DCC: variants seen among roughly 807,000 people sequenced by gnomAD.
DCC encodes the protein netrin receptor DCC.
Under a neutral mutation model 172.5 loss-of-function variants are expected in DCC, and 58 were observed. The ratio of observed to expected loss-of-function variants is 0.34; its 90% CI spans 0.27 to 0.42. DCC has a LOEUF of 0.42. Among genes scored for constraint, DCC ranks in the 10% least tolerant of loss-of-function variants. The pLI is 1.00. For synonymous variants in DCC, 709 were observed against 644.5 expected, an observed-to-expected ratio of 1.10 and a Z score of -1.52; for missense variants, 1,740 against 1,791.0, an observed-to-expected ratio of 0.97 and a Z score of 0.51.
chr18:52,413,912 A>T (rs1986926649), intron 1 of DCC, among the ~76,000 whole-genome samples: 1 of 152,206 alleles, frequency 6.6e-6, no homozygotes, highest in African/African-American at 2.4e-5. Context: ...GTTTGCTAGG[A>T]AGATGCTCTG....
At chr18:52,778,357 T>A (rs2037471955) in intron 2 of DCC, among the ~76,000 whole-genome samples, 1 of 152,210 alleles carries the variant, frequency 6.6e-6, no homozygotes, top group Non-Finnish European at 1.5e-5. Flanking sequence ...GTGTCTTTAA[T>A]AAATAGAATT....
intron 23 of DCC, among the ~76,000 whole-genome samples, chr18:53,451,554 T>C (rs774720500): frequency 6.6e-6 from 1 of 152,188 alleles, no homozygotes; most frequent in Admixed American, 6.5e-5. Context: ...GTTCTGGTTT[T>C]AGGTTTTTCC....
chr18:52,851,912 A>G (rs2038980876), intron 2 of DCC, among the ~76,000 whole-genome samples: 1 of 152,128 alleles, frequency 6.6e-6, no homozygotes, highest in Non-Finnish European at 1.5e-5. Context: ...TAATCATCTT[A>G]TAAGTTGAGA....
intron 1 of DCC, among the ~76,000 whole-genome samples, chr18:52,512,891 A>G (rs2031493290): frequency 6.6e-6 from 1 of 152,198 alleles, no homozygotes; most frequent in African/African-American, 2.4e-5. Flanking sequence ...AAAACCCTGA[A>G]GCAGAATGTT....
At chr18:53,334,715 A>G (rs1020871600) in intron 14 of DCC, among the ~76,000 whole-genome samples, 1 of 152,214 alleles carries the variant, frequency 6.6e-6, no homozygotes, top group African/African-American at 2.4e-5. Flanking sequence ...TTCATTTACC[A>G]TATCATTGCC....
At chr18:53,302,235 G>A (rs1445370417) in intron 12 of DCC, among the ~76,000 whole-genome samples, 4 of 151,930 alleles carry the variant, frequency 2.6e-5, no homozygotes, top group African/African-American at 9.7e-5. Flanking sequence ...TTCAACATAT[G>A]ACTCTTGGTG....
intron 1 of DCC, among the ~76,000 whole-genome samples, chr18:52,619,881 C>T (rs76861254): frequency 0.04 from 6,144 of 152,242 alleles, 159 homozygotes; most frequent in Non-Finnish European, 0.053. Flanking sequence ...AGGCAACCAC[C>T]TCTCAGTGAT....
intron 15 of DCC, among the ~76,000 whole-genome samples, chr18:53,364,869 T>A (rs890032422): frequency 6.6e-6 from 1 of 152,086 alleles, no homozygotes; most frequent in Non-Finnish European, 1.5e-5. Context: ...CACACATACA[T>A]ACACAGATAC....
At chr18:52,745,052 T>C (rs2036885788) in intron 1 of DCC, among the ~76,000 whole-genome samples, 1 of 152,186 alleles carries the variant, frequency 6.6e-6, no homozygotes, top group African/African-American at 2.4e-5. Context: ...GTAAGGCCAT[T>C]TGGGGCCCAA....
chr18:52,703,073 A>G (rs1470621880), intron 1 of DCC, among the ~76,000 whole-genome samples: 1 of 152,188 alleles, frequency 6.6e-6, no homozygotes, highest in Admixed American at 6.5e-5. Flanking sequence ...TCAGGATCAT[A>G]GAGTTTTTCT....
chr18:52,700,067 A>G (rs960009405), intron 1 of DCC, among the ~76,000 whole-genome samples: 3 of 150,952 alleles, frequency 2.0e-5, no homozygotes, highest in Non-Finnish European at 4.4e-5. Flanking sequence ...AAAAACACTC[A>G]TTAAATACAG....
At chr18:53,371,846 C>G (rs369291216) in intron 15 of DCC, among the ~76,000 whole-genome samples, 1 of 151,902 alleles carries the variant, frequency 6.6e-6, no homozygotes, top group African/African-American at 2.4e-5. Context: ...ATGCAGCCAA[C>G]AAGCATATGA....
chr18:52,647,699 T>A (rs779666281), intron 1 of DCC, among the ~76,000 whole-genome samples: 47 of 152,360 alleles, frequency 3.1e-4, no homozygotes, highest in Non-Finnish European at 6.2e-4. Context: ...CTCCTGTTTT[T>A]CAGGTGTTGT....
intron 7 of DCC, among the ~76,000 whole-genome samples, chr18:53,073,598 G>A (rs932452413): frequency 2.0e-5 from 3 of 151,884 alleles, no homozygotes; most frequent in Non-Finnish European, 2.9e-5. Context: ...TCTAACATTG[G>A]TTAAAAAAAA....
In DCC at chr18:52,497,922, T is replaced by A. The variant is rs144004134; in HGVS notation, c.91+157044T>A. 6.7e-4 allele frequency among the ~76,000 whole-genome samples: 102 copies of A among 152,240 alleles called. No homozygotes were observed. The East Asian group carries it at 0.018, about 26-fold the overall frequency. On this transcript the variant is annotated intron_variant, in intron 1 of 28. Transcript: ENST00000442544. ...CCAGACTAGAACAGGGATTGACATA[T>A]TTTTGCTACAGAGGGTCAGATAGTA...
At chr18:53,503,154 G>T (rs1206025904) in intron 27 of DCC, among the ~76,000 whole-genome samples, 1 of 152,072 alleles carries the variant, frequency 6.6e-6, no homozygotes, top group Non-Finnish European at 1.5e-5. Flanking sequence ...GTTTTACATG[G>T]GTCTAGGGCA....
Position 52,925,224 on chromosome 18 carries a change from T to C in DCC, c.849-10T>C, listed in dbSNP as rs780221441. On this transcript the variant is annotated splice_polypyrimidine_tract_variant and intron_variant, in intron 4 of 28. Transcript: ENST00000442544. Reference sequence around the variant, plus strand: ...GTTAATTTACTCTGCACCTTCCCTATGTCTTGCAGGTCTAAAAAGTATTCT... The same window carrying C: ...GTTAATTTACTCTGCACCTTCCCTACGTCTTGCAGGTCTAAAAAGTATTCT... 4 of 1,611,424 alleles carry C rather than the reference T, an allele frequency of 2.5e-6. No homozygotes were observed. The highest frequency in any genetic ancestry group is 1.7e-5 in the Admixed American group (1 of 59,894).
In DCC at chr18:52,927,099, G is replaced by GTATATATACACGTA. The variant is rs369962995; in HGVS notation, c.985+1735_985+1736insTACACGTATATATA. Among the ~76,000 whole-genome samples the GTATATATACACGTA allele has an allele frequency of 6.2e-4, 31 of 49,672 alleles. 6 individuals carry two copies. The highest frequency in any genetic ancestry group is 1.3e-3 in the Non-Finnish European group (25 of 19,682). The allele number at this position is 49,672 out of a possible 152,430, so 32.6% of individuals were successfully genotyped here. Reference sequence around the variant, plus strand: ...TATGTGTATATACACGTATATACGTGTATATACACGTATATACGTGTATAT... The same window carrying GTATATATACACGTA: ...TATGTGTATATACACGTATATACGTGTATATATACACGTATATATACACGTATATACGTGTATAT... On this transcript the variant is annotated intron_variant, in intron 5 of 28. Coordinates refer to ENST00000442544, the MANE Select transcript of DCC (RefSeq NM_005215.4).
At chr18:52,682,014 C>G (rs1239153354) in intron 1 of DCC, among the ~76,000 whole-genome samples, 1 of 152,108 alleles carries the variant, frequency 6.6e-6, no homozygotes, top group African/African-American at 2.4e-5. Flanking sequence ...CTTTGAGAAT[C>G]TGGTCACATA....
Sources: gnomAD v4.1 joint callset for allele counts (sites outside exome capture counted in the v4.1 genomes callset) on GRCh38, gnomAD v4.1.1 for gene constraint, MANE v1.5 for transcripts, NCBI Gene and HGNC (gene_info 2026-07-23, HGNC 2026-07-21) for gene names.